SEMA3E: variants seen among roughly 807,000 people sequenced by gnomAD.
The protein encoded by SEMA3E is semaphorin 3E.
Under a neutral mutation model 93.6 loss-of-function variants are expected in SEMA3E, and 49 were observed. The observed-to-expected ratio is 0.52, with a 90% CI of 0.42 to 0.66. The LOEUF (loss-of-function observed/expected upper bound fraction) is 0.66. SEMA3E is among the 30% of genes least tolerant of loss of function. The probability of loss-of-function intolerance (pLI) is 0.00; values close to 1 mark genes in which losing one functional copy is unlikely to be tolerated. For missense variants in SEMA3E, 906 were observed against 964.8 expected (o/e 0.94, Z 0.81); for synonymous variants, 363 against 330.7 (o/e 1.10, Z -1.06).
intron 2 of SEMA3E, among the ~76,000 whole-genome samples, chr7:83,488,864 A>C (rs944270011): frequency 2.0e-5 from 3 of 152,260 alleles, no homozygotes; most frequent in Middle Eastern, 3.4e-3. Flanking sequence ...GGAGTATAAA[A>C]ACTTTTGTAG....
chr7:83,445,732 T>C (rs1789214856), intron 4 of SEMA3E, among the ~76,000 whole-genome samples: 1 of 151,420 alleles, frequency 6.6e-6, no homozygotes, highest in African/African-American at 2.4e-5. Context: ...TTAAAATAAA[T>C]AAATAAATAA....
At chr7:83,425,776 G>C (rs1485236654) in intron 4 of SEMA3E, among the ~76,000 whole-genome samples, 1 of 152,100 alleles carries the variant, frequency 6.6e-6, no homozygotes, top group African/African-American at 2.4e-5. Flanking sequence ...TGCACAGCAA[G>C]AGCAACTATC....
At chr7:83,454,272 A>AAAAAAAAAAAAT (rs1257792756) in intron 4 of SEMA3E, among the ~76,000 whole-genome samples, 5 of 110,134 alleles carry the variant, frequency 4.5e-5, no homozygotes, top group African/African-American at 2.2e-4. Flanking sequence ...AAAAAAAAAA[A>AAAAAAAAAAAAT]ATATATATAT....
At chr7:83,581,455 A>C (rs1328987929) in intron 1 of SEMA3E, among the ~76,000 whole-genome samples, 1 of 152,038 alleles carries the variant, frequency 6.6e-6, no homozygotes, top group Non-Finnish European at 1.5e-5. Flanking sequence ...ATGAAGAATA[A>C]TACTACTGGG....
At chr7:83,468,921 T>C (rs1332376135) in intron 3 of SEMA3E, among the ~76,000 whole-genome samples, 1 of 151,822 alleles carries the variant, frequency 6.6e-6, no homozygotes, top group Admixed American at 6.6e-5. Flanking sequence ...TAACTGTTCC[T>C]AGAAAAAAAA....
At chr7:83,429,126 G>T (rs899300578) in intron 4 of SEMA3E, among the ~76,000 whole-genome samples, 3 of 152,046 alleles carry the variant, frequency 2.0e-5, no homozygotes, top group African/African-American at 7.2e-5. Flanking sequence ...TTATCAAATT[G>T]CATTTTCAAA....
chr7:83,520,017 A>G (rs1353064675), intron 1 of SEMA3E, among the ~76,000 whole-genome samples: 2 of 152,140 alleles, frequency 1.3e-5, no homozygotes, highest in Non-Finnish European at 2.9e-5. Flanking sequence ...TATATGAACA[A>G]TTAAATAATG....
At chr7:83,552,001 G>GT (rs1459116295) in intron 1 of SEMA3E, among the ~76,000 whole-genome samples, 1 of 152,068 alleles carries the variant, frequency 6.6e-6, no homozygotes, top group Non-Finnish European at 1.5e-5. Context: ...CAATGTCTTT[G>GT]TATTATACAT....
rs1418189348 is a variant in SEMA3E at position 83,376,746 on chromosome 7, T to C, written c.1875+8548A>G. 3.3e-5 allele frequency among the ~76,000 whole-genome samples: 5 copies of C among 152,052 alleles called. No homozygotes were observed. In the East Asian group the frequency reaches 9.6e-4, roughly 29 times the overall value. Reference sequence around the variant, plus strand: ...ACATTCTTTTTTGCATTTACTACAATAAACATGCATATTTGTGCATTATGT... The same window carrying C: ...ACATTCTTTTTTGCATTTACTACAACAAACATGCATATTTGTGCATTATGT... On this transcript the variant is annotated intron_variant, in intron 16 of 16. Coordinates refer to ENST00000643230, the MANE Select transcript of SEMA3E (RefSeq NM_012431.3).
At chr7:83,548,373 G>T (rs1044706837) in intron 1 of SEMA3E, among the ~76,000 whole-genome samples, 1 of 152,058 alleles carries the variant, frequency 6.6e-6, no homozygotes, top group East Asian at 1.9e-4. Context: ...CCCAGGGCCT[G>T]TCTTCTTTAT....
chr7:83,490,321 A>G lies in SEMA3E; in HGVS notation c.116-47T>C, dbSNP rs376416154. Reference sequence around the variant, plus strand: ...ACACTAAGCACACGAGAAAATGTAAATACCTTTATCACCCTTTTCTCATAG... The same window carrying G: ...ACACTAAGCACACGAGAAAATGTAAGTACCTTTATCACCCTTTTCTCATAG... On this transcript the variant is annotated intron_variant, in intron 1 of 16. Transcript: ENST00000643230. 27 of 1,586,310 alleles carry G rather than the reference A, an allele frequency of 1.7e-5. No homozygotes were observed. In the East Asian group the frequency reaches 2.2e-4, roughly 13 times the overall value.
At chr7:83,536,176 A>G (rs2115744259) in intron 1 of SEMA3E, among the ~76,000 whole-genome samples, 1 of 152,242 alleles carries the variant, frequency 6.6e-6, no homozygotes, top group Non-Finnish European at 1.5e-5. Flanking sequence ...AAATATAAAT[A>G]AAGCTTTGAT....
At chr7:83,616,918 T>A (rs932908309) in intron 1 of SEMA3E, among the ~76,000 whole-genome samples, 2 of 152,002 alleles carry the variant, frequency 1.3e-5, no homozygotes, top group African/African-American at 4.8e-5. Flanking sequence ...AGAGACGGGG[T>A]TTCACCACGT....
chr7:83,591,103 T>G (rs1449562716), intron 1 of SEMA3E, among the ~76,000 whole-genome samples: 2 of 107,860 alleles, frequency 1.9e-5, no homozygotes, highest in African/African-American at 9.1e-5. Context: ...TTAGAGTTAT[T>G]TGCAAAAAAA....
chr7:83,619,909 A>G (rs1033858342), intron 1 of SEMA3E, among the ~76,000 whole-genome samples: 2 of 147,812 alleles, frequency 1.4e-5, no homozygotes, highest in Non-Finnish European at 3.0e-5. Flanking sequence ...ATAGACAGAT[A>G]GATAGATAGA....
intron 1 of SEMA3E, among the ~76,000 whole-genome samples, chr7:83,571,403 A>G (rs1792284075): frequency 6.6e-6 from 1 of 152,242 alleles, no homozygotes; most frequent in Non-Finnish European, 1.5e-5. Flanking sequence ...TTCCTGGGAT[A>G]CAAGTTTGGT....
intron 1 of SEMA3E, among the ~76,000 whole-genome samples, chr7:83,572,514 T>C (rs149272880): frequency 0.045 from 6,787 of 151,924 alleles, 412 homozygotes; most frequent in African/African-American, 0.14. Context: ...TGGCAGCCGC[T>C]TGTAGTCCCA....
chr7:83,588,955 C>A lies in SEMA3E; in HGVS notation c.115+59473G>T, dbSNP rs1792692196. 2.0e-5 allele frequency among the ~76,000 whole-genome samples: 3 copies of A among 152,082 alleles called. No homozygotes were observed. The South Asian group carries it at 6.2e-4, about 32-fold the overall frequency. ...AGCTCTTGAGTCTCTGTGGTGACATCTTTTGAAACTTCCTAAGGAGGTGAT... is the reference window on the plus strand; with the variant it reads ...AGCTCTTGAGTCTCTGTGGTGACATATTTTGAAACTTCCTAAGGAGGTGAT... On this transcript the variant is annotated intron_variant, in intron 1 of 16. Coordinates refer to ENST00000643230, the MANE Select transcript of SEMA3E (RefSeq NM_012431.3).
chr7:83,416,008 C>A (rs1003924826), intron 5 of SEMA3E, among the ~76,000 whole-genome samples: 7 of 152,004 alleles, frequency 4.6e-5, no homozygotes, highest in African/African-American at 1.7e-4. Flanking sequence ...CAGGTAGCTT[C>A]ATTTTTCCAG....
Sources: allele counts gnomAD v4.1 joint callset (sites outside exome capture counted in the v4.1 genomes callset), GRCh38; gene constraint gnomAD v4.1.1; transcripts MANE v1.5; gene names NCBI Gene and HGNC (gene_info 2026-07-23, HGNC 2026-07-21).